COL6A2: variants seen among roughly 807,000 people sequenced by gnomAD.
COL6A2 encodes collagen type VI alpha 2 chain.
COL6A2 carries 90 observed loss-of-function variants against 124.9 expected under a neutral mutation model. The ratio of observed to expected loss-of-function variants is 0.72; its 90% CI spans 0.61 to 0.86. The LOEUF is 0.86. Ranked by LOEUF, COL6A2 falls within the 40% of genes least tolerant of loss-of-function variation. The pLI is 0.00. For synonymous variants in COL6A2, 793 were observed against 618.2 expected (o/e 1.28, Z -4.19); for missense variants, 1,607 against 1,502.5 (o/e 1.07, Z -1.15).
At chr21:46,122,739 T>TG (rs1020151487) in intron 20 of COL6A2, 136 bp from the exon 21 acceptor site, 1 of 773,666 alleles carries the variant, frequency 1.3e-6, no homozygotes, top group African/African-American at 5.1e-5. Context: ...GTTCAGGCTT[T>TG]GCAAAAAAAC....
At chr21:46,119,231 A>C in intron 14 of COL6A2, 112 bp downstream of exon 14, 1 of 844,024 alleles carries the variant, frequency 1.2e-6, no homozygotes, top group Non-Finnish European at 1.9e-6. Context: ...CCCTGCTGGC[A>C]AGGCACAGCC....
At position 46,116,428 on chromosome 21, in the gene COL6A2, TCA is replaced by T. The variant is rs1376762231; in HGVS notation, c.927+26_927+27del. 2 of 1,612,370 alleles carry T rather than the reference TCA, an allele frequency of 1.2e-6. No homozygotes were observed. The highest frequency in any genetic ancestry group is 1.1e-5 in the South Asian group (1 of 91,062). ...GGTGAGGCTCTTGCCCTGACAGACC[TCA>T]GACCTGCGCCAGCCTCGGCCCAGAC... is the stretch of plus-strand genomic sequence containing the variant. On this transcript the variant is annotated intron_variant, in intron 8 of 27. Coordinates refer to ENST00000300527, the MANE Select transcript of COL6A2 (RefSeq NM_001849.4). The surrounding 1 kb of genome is among the most constrained non-coding windows in gnomAD (Gnocchi z 4.6).
chr21:46,118,645 C>T lies in COL6A2; in HGVS notation c.1148C>T (p.Pro383Leu), dbSNP rs866527724. ...GDPGRPGRRG[P>L]PGEIGAKGSK... ...CCTGGCCGCCCAGGACGCAGAGGGC[C>T]CCCGGGAGAAATCGGGGCCAAGGGA... is the stretch of plus-strand genomic sequence containing the variant. The change falls in exon 13 of 28, where the codon CCC (proline) becomes CTC (leucine). Residue 383 changes from proline (P) to leucine (L), a missense_variant. Physicochemically the swap from Pro to Leu is moderately conservative, Grantham distance 98. Around this residue, in one of 3 missense-constraint regions of COL6A2, gnomAD observed 1,223 missense variants for 1,052.2 expected, o/e 1.16. Coordinates refer to ENST00000300527, the MANE Select transcript of COL6A2 (RefSeq NM_001849.4). 1.9e-6 allele frequency: 3 copies of T among 1,612,298 alleles called. No homozygotes were observed. In the African/African-American group the frequency reaches 4.0e-5, roughly 22 times the overall value.
chr21:46,108,104 ATATTT>A (rs1007400027), intron 1 of COL6A2, among the ~76,000 whole-genome samples: 23 of 134,438 alleles, frequency 1.7e-4, no homozygotes, highest in African/African-American at 7.0e-4. Context: ...ATATATATAT[ATATTT>A]TTTTTTCTCT....
chr21:46,129,510 G>A (rs1020315136), intron 27 of COL6A2: 2 of 1,532,162 alleles, frequency 1.3e-6, no homozygotes, highest in Non-Finnish European at 8.8e-7. Flanking sequence ...CACCCGCCCA[G>A]CCGGGCTGGG....
rs751428484 is a variant in COL6A2, at chr21:46,112,364, C to T, written c.501C>T (p.Gly167=). ...TCATCACCGACGGCCACGTCACCGG[C>T]AGCCCCTGCGGGGGCATCAAGCTGC... ...AVVITDGHVT[G]SPCGGIKLQA... Residue 167 remains glycine (G), a synonymous_variant, in exon 3 of 28, where the codon GGC becomes GGT. Transcript: ENST00000300527. The T allele has an allele frequency of 1.2e-6, 2 of 1,608,278 alleles. No individual in the cohort carries two copies. Among genetic ancestry groups the T allele is most frequent in the African/African-American group, 1.3e-5 (1 of 74,834 alleles).
chr21:46,122,915 G>A lies in COL6A2; in HGVS notation c.1649G>A (p.Arg550Lys), dbSNP rs373609986. 2 of 1,613,316 alleles carry A rather than the reference G, an allele frequency of 1.2e-6. No individual in the cohort carries two copies. Among genetic ancestry groups the A allele is most frequent in the Non-Finnish European group, 1.7e-6 (2 of 1,179,930 alleles). Reference sequence around the variant, plus strand: ...TTTGGCTTGAAAGGAGAACCTGGGAGGAAAGGAGAGAAAGGAGAGCCTGTG... The same window carrying A: ...TTTGGCTTGAAAGGAGAACCTGGGAAGAAAGGAGAGAAAGGAGAGCCTGTG... Reference protein sequence around the residue: ...GDFGLKGEPGRKGEKGEPADP... With the variant: ...GDFGLKGEPGKKGEKGEPADP... The change falls in exon 21 of 28, where the codon AGG becomes AAG. Residue 550 changes from arginine (R) to lysine (K), a missense_variant. Arg to Lys is a conservative substitution (Grantham distance 26). Coordinates refer to ENST00000300527, the MANE Select transcript of COL6A2 (RefSeq NM_001849.4).
chr21:46,101,116 G>A (rs1301018071), intron 1 of COL6A2, among the ~76,000 whole-genome samples: 1 of 152,108 alleles, frequency 6.6e-6, no homozygotes, highest in Non-Finnish European at 1.5e-5. Context: ...TGGGTGTGAG[G>A]TGGTATCTCA....
chr21:46,123,738 TGATGGATGGCTGAATGGATGAGTGGGGG>T (rs369717510), intron 21 of COL6A2, among the ~76,000 whole-genome samples: 8,517 of 141,754 alleles, frequency 0.06, 296 homozygotes, highest in Middle Eastern at 0.13. Flanking sequence ...TGTGGTTAGA[TGATGGATGGCTGAATGGATGAGTGGGGG>T]GATGGATGGG....
At chr21:46,129,337 C>T in intron 27 of COL6A2, 2 of 1,612,958 alleles carry the variant, frequency 1.2e-6, no homozygotes, top group Non-Finnish European at 1.7e-6. Context: ...GCCGCCTACT[C>T]CCAGCTGGTG....
At chr21:46,118,325 C>G (rs1185001217) in intron 12 of COL6A2, among the ~76,000 whole-genome samples, 1 of 152,164 alleles carries the variant, frequency 6.6e-6, no homozygotes, top group African/African-American at 2.4e-5. Context: ...TTTCTGGGAG[C>G]TTGGACTTAG....
intron 27 of COL6A2, among the ~76,000 whole-genome samples, chr21:46,128,560 T>G (rs2078709663): frequency 6.6e-6 from 1 of 152,134 alleles, no homozygotes; most frequent in African/African-American, 2.4e-5. Flanking sequence ...AGCAGGCCTG[T>G]GGAGTTCTCA....
intron 27 of COL6A2, among the ~76,000 whole-genome samples, chr21:46,128,422 C>T (rs746400943): frequency 4.6e-5 from 7 of 152,362 alleles, no homozygotes; most frequent in African/African-American, 1.4e-4. Context: ...TCGGCTTTCA[C>T]CAGCCCACAC....
intron 18 of COL6A2, among the ~76,000 whole-genome samples, 161 bp from the exon 19 acceptor site, chr21:46,121,947 C>G (rs1318085396): frequency 6.6e-6 from 1 of 152,146 alleles, no homozygotes; most frequent in Non-Finnish European, 1.5e-5. Flanking sequence ...TGGAGGTGGA[C>G]AGGGCGAGGT....
At chr21:46,130,766 G>A (rs1247941056) in intron 27 of COL6A2, among the ~76,000 whole-genome samples, 2 of 152,206 alleles carry the variant, frequency 1.3e-5, no homozygotes, top group African/African-American at 4.8e-5. Flanking sequence ...AGCGGTACCT[G>A]AGGAGTTTCT....
intron 27 of COL6A2, among the ~76,000 whole-genome samples, chr21:46,128,266 A>C (rs2078703984): frequency 6.6e-6 from 1 of 152,166 alleles, no homozygotes; most frequent in Non-Finnish European, 1.5e-5. Flanking sequence ...GAGTGGGAGC[A>C]GCCCTGGCAG....
intron 21 of COL6A2, among the ~76,000 whole-genome samples, chr21:46,123,651 GGATACATGGGTGAATGAGTA>G (rs2078603556): frequency 6.6e-6 from 1 of 151,210 alleles, no homozygotes; most frequent in Non-Finnish European, 1.5e-5. Flanking sequence ...ATGGATAAGT[GGATACATGGGTGAATGAGTA>G]GATGTATGGG....
chr21:46,119,662 TC>T, intron 14 of COL6A2, 125 bp from the exon 15 acceptor site: 1 of 805,606 alleles, frequency 1.2e-6, no homozygotes, highest in East Asian at 2.7e-5. Context: ...GGGATCGAGG[TC>T]CCAGGTCCCA....
chr21:46,105,586 G>C (rs1445330529), intron 1 of COL6A2, among the ~76,000 whole-genome samples: 7 of 152,108 alleles, frequency 4.6e-5, no homozygotes, highest in African/African-American at 1.7e-4. Flanking sequence ...AAAAGGGTTG[G>C]GGACAGAGCC....
Sources: allele counts gnomAD v4.1 joint callset (sites outside exome capture counted in the v4.1 genomes callset), GRCh38; gene constraint gnomAD v4.1.1; regional missense constraint gnomAD v4.1.1; non-coding constraint Gnocchi (gnomAD v3.1); transcripts MANE v1.5; gene names NCBI Gene and HGNC (gene_info 2026-07-23, HGNC 2026-07-21).